The following ITGA4 variants were observed in gnomAD, a reference collection of about 807,000 sequenced individuals.
The protein encoded by ITGA4 is integrin subunit alpha 4, also known as integrin alpha-4.
ITGA4 carries 63 observed loss-of-function variants against 133.6 expected under a neutral mutation model. That is an observed-to-expected ratio of 0.47 (90% CI 0.38 to 0.58). The LOEUF (loss-of-function observed/expected upper bound fraction) is 0.58, where lower values mean the gene tolerates loss of function less well. Ranked by LOEUF, ITGA4 falls within the 20% of genes least tolerant of loss-of-function variation. ITGA4 has a pLI of 0.00. For synonymous variants in ITGA4, 483 were observed against 438.0 expected (o/e 1.10, Z -1.28); for missense variants, 1,076 against 1,252.7 (o/e 0.86, Z 2.13).
rs202094226 is a variant in ITGA4 at position 181,481,695 on chromosome 2, A to C, written c.840+12A>C. The C allele has an allele frequency of 7.2e-6, 10 of 1,388,084 alleles. No individual in the cohort carries two copies. Among genetic ancestry groups the C allele is most frequent in the African/African-American group, 2.8e-5 (2 of 70,312 alleles). 86.0% of individuals were successfully genotyped at this position (1,388,084 alleles called of 1,614,324 possible). ...AGCAGATTGGTAAGGTAAGAATTACATTTTTATATTTATTTCTTCACAAAG... is the reference window on the plus strand; with the variant it reads ...AGCAGATTGGTAAGGTAAGAATTACCTTTTTATATTTATTTCTTCACAAAG... On this transcript the variant is annotated intron_variant, in intron 7 of 27. Transcript: ENST00000397033.
chr2:181,475,681 T>C (rs1685658600), intron 4 of ITGA4: 2 of 1,111,398 alleles, frequency 1.8e-6, no homozygotes, highest in African/African-American at 3.2e-5. Flanking sequence ...CAGGAGTAAT[T>C]GGGAAGAATA....
rs377650192 is a variant in ITGA4, at chr2:181,504,418, T to C, written c.1696-5240T>C. 1.8e-3 allele frequency among the ~76,000 whole-genome samples: 274 copies of C among 152,234 alleles called. 14 individuals carry two copies. The South Asian group carries it at 0.053, about 29-fold the overall frequency. ...TGTATTTGATTAGTAAATACATTTT[T>C]TTGTAATTTTTTATTTCATTTGCTT... is the stretch of plus-strand genomic sequence containing the variant. On this transcript the variant is annotated intron_variant, in intron 15 of 27. Transcript: ENST00000397033.
At chr2:181,485,386 T>A (rs1685892249) in intron 9 of ITGA4, among the ~76,000 whole-genome samples, 1 of 145,496 alleles carries the variant, frequency 6.9e-6, no homozygotes, top group Non-Finnish European at 1.5e-5. Context: ...TTATGAAATG[T>A]CTTCTGTTAT....
intron 14 of ITGA4, among the ~76,000 whole-genome samples, chr2:181,497,712 T>C (rs1055626680): frequency 6.6e-6 from 1 of 152,188 alleles, no homozygotes; most frequent in Non-Finnish European, 1.5e-5. Context: ...ACATAAATTC[T>C]TTAAACTATC....
intron 1 of ITGA4, 75 bp from the exon 2 acceptor site, chr2:181,458,121 C>A: frequency 1.3e-6 from 2 of 1,598,090 alleles, no homozygotes; most frequent in South Asian, 1.1e-5. Context: ...CTGCGGACTG[C>A]ACATCTGTGG....
At position 181,510,322 on chromosome 2, in the gene ITGA4, A is replaced by AT. The variant is rs559732643; in HGVS notation, c.1845+516dup. ...ATTTCATTATATGCTTTTCAGCCAC[A>AT]TCCCAGGATCAATTGCATTTGAGAT... On this transcript the variant is annotated intron_variant, in intron 16 of 27. Coordinates refer to ENST00000397033, the MANE Select transcript of ITGA4 (RefSeq NM_000885.6). 1.4e-3 allele frequency among the ~76,000 whole-genome samples: 216 copies of AT among 152,232 alleles called. 2 individuals are homozygous for AT. The highest frequency in any genetic ancestry group is 2.8e-3 in the Admixed American group (42 of 15,258).
Position 181,511,690 on chromosome 2 carries a change from T to C in ITGA4, c.1846-9T>C. Reference sequence around the variant, plus strand: ...ATCAAAATAAAAAACGTTGTCTTTTTATTTCCAGATAAACTTTGCAAGGTT... The same window carrying C: ...ATCAAAATAAAAAACGTTGTCTTTTCATTTCCAGATAAACTTTGCAAGGTT... On this transcript the variant is annotated splice_polypyrimidine_tract_variant and intron_variant, in intron 16 of 27. Transcript: ENST00000397033. 1 of 1,500,636 alleles carries C rather than the reference T, an allele frequency of 6.7e-7. No homozygotes were observed. The highest frequency in any genetic ancestry group is 1.2e-5 in the South Asian group (1 of 86,650). 93.0% of individuals were successfully genotyped at this position (1,500,636 alleles called of 1,614,324 possible).
At chr2:181,490,166 A>G (rs968613768) in intron 10 of ITGA4, among the ~76,000 whole-genome samples, 1 of 152,200 alleles carries the variant, frequency 6.6e-6, no homozygotes, top group African/African-American at 2.4e-5. Flanking sequence ...GGGTCGATCT[A>G]TAACTACCAG....
intron 17 of ITGA4, among the ~76,000 whole-genome samples, chr2:181,515,401 T>C (rs1035836971): frequency 6.6e-6 from 1 of 152,136 alleles, no homozygotes; most frequent in Non-Finnish European, 1.5e-5. Context: ...TTACTATTTC[T>C]ATTTTTGAAA....
chr2:181,474,531 A>T (rs767822578), intron 2 of ITGA4, among the ~76,000 whole-genome samples: 3 of 152,204 alleles, frequency 2.0e-5, no homozygotes, highest in African/African-American at 4.8e-5. Flanking sequence ...CTGAGGATGT[A>T]TTATAGTCTT....
intron 15 of ITGA4, among the ~76,000 whole-genome samples, chr2:181,501,452 A>C (rs1337860920): frequency 2.6e-5 from 4 of 152,180 alleles, no homozygotes; most frequent in African/African-American, 9.6e-5. Flanking sequence ...TTGGCAGAGA[A>C]GTCACATGAT....
rs1441288108 is a variant in ITGA4 at position 181,531,764 on chromosome 2, C to T, written c.2772C>T (p.Ser924=). 3.8e-6 allele frequency: 6 copies of T among 1,596,510 alleles called. No individual in the cohort carries two copies. Among genetic ancestry groups the T allele is most frequent in the South Asian group, 1.2e-5 (1 of 86,788 alleles). Residue 924 remains serine, a synonymous_variant, in exon 25 of 28, where the codon TCC becomes TCT. Transcript: ENST00000397033. Reference sequence around the variant, plus strand: ...ATATCCAACTGGAAGGCCGGCCATCCATTTTAGAAATGGTAAGTAAGTCTA... The same window carrying T: ...ATATCCAACTGGAAGGCCGGCCATCTATTTTAGAAATGGTAAGTAAGTCTA... The part of the protein sequence containing the change: ...SVHIQLEGRP[S]ILEMDETSAL...
Position 181,538,315 on chromosome 2 carries a change from A to ACAATGC in ITGA4, c.*2798_*2803dup, listed in dbSNP as rs1322587113. ...CACATACACCTAATAAGTATGGTAC[A>ACAATGC]CAATGCCAATGCCAAATACAAATTG... On this transcript the variant is annotated 3_prime_UTR_variant, in exon 28 of 28. Transcript: ENST00000397033. 9.3e-6 allele frequency: 8 copies of ACAATGC among 863,008 alleles called. No individual in the cohort carries two copies. Among genetic ancestry groups the ACAATGC allele is most frequent in the Admixed American group, 1.9e-5 (1 of 52,628 alleles). 53.5% of individuals were successfully genotyped at this position (863,008 alleles called of 1,614,324 possible).
At chr2:181,470,621 A>T (rs965784426) in intron 2 of ITGA4, among the ~76,000 whole-genome samples, 1 of 152,214 alleles carries the variant, frequency 6.6e-6, no homozygotes, top group Non-Finnish European at 1.5e-5. Context: ...TCAGGATCAC[A>T]CAGGTTAAGG....
intron 2 of ITGA4, chr2:181,458,546 A>G: frequency 1.8e-6 from 1 of 544,614 alleles, no homozygotes; most frequent in Non-Finnish European, 3.3e-6. Context: ...TACTCTGACA[A>G]CTATGCTAGA....
chr2:181,489,278 G>GA (rs1380053073), intron 10 of ITGA4, among the ~76,000 whole-genome samples: 3 of 151,442 alleles, frequency 2.0e-5, no homozygotes, highest in South Asian at 2.1e-4. Context: ...TTCTCAAATG[G>GA]AAAAAAAATC....
chr2:181,482,272 A>C (rs1419952195), intron 7 of ITGA4, 88 bp from the exon 8 acceptor site: 1 of 1,322,260 alleles, frequency 7.6e-7, no homozygotes, highest in Non-Finnish European at 1.0e-6. Context: ...GCAAGTTGTA[A>C]AAATTCATGT....
chr2:181,464,598 A>G (rs1685368660), intron 2 of ITGA4, among the ~76,000 whole-genome samples: 2 of 152,112 alleles, frequency 1.3e-5, no homozygotes, highest in Non-Finnish European at 2.9e-5. Flanking sequence ...TGAGTAGTGG[A>G]CCCAGTTCTG....
intron 2 of ITGA4, among the ~76,000 whole-genome samples, chr2:181,467,815 A>G (rs1685456862): frequency 6.6e-6 from 1 of 152,182 alleles, no homozygotes; most frequent in African/African-American, 2.4e-5. Context: ...TAATCTTTCC[A>G]CTTACGGATT....
Sources: gnomAD v4.1 joint callset for allele counts (sites outside exome capture counted in the v4.1 genomes callset) on GRCh38, gnomAD v4.1.1 for gene constraint, MANE v1.5 for transcripts, NCBI Gene and HGNC (gene_info 2026-07-23, HGNC 2026-07-21) for gene names.